HEMK2: variants seen among roughly 807,000 people sequenced by gnomAD.
The protein encoded by HEMK2 is HemK methyltransferase 2, ETF1 glutamine and histone H4 lysine.
the HEMK2 span, among the ~76,000 whole-genome samples, chr21:28,706,240 G>T: frequency 1.3e-5 from 2 of 151,850 alleles, no homozygotes; most frequent in Non-Finnish European, 2.9e-5. Flanking sequence ...TAAAGATTTT[G>T]TTAGTGTATA....
chr21:28,800,978 A>G, the HEMK2 span, among the ~76,000 whole-genome samples: 66,651 of 152,096 alleles, frequency 0.44, 15,928 homozygotes, highest in East Asian at 0.71. Context: ...TCGTGAGAAC[A>G]GTAGGGAGAA....
the HEMK2 span, among the ~76,000 whole-genome samples, chr21:28,668,629 C>T: frequency 6.6e-6 from 1 of 152,102 alleles, no homozygotes; most frequent in African/African-American, 2.4e-5. Flanking sequence ...AAGTACATGC[C>T]TCCTGTGCTG....
the HEMK2 span, among the ~76,000 whole-genome samples, chr21:28,811,766 A>T: frequency 3.3e-5 from 5 of 152,306 alleles, no homozygotes; most frequent in South Asian, 1.0e-3. Flanking sequence ...ACATAATATG[A>T]TGCCAATTAT....
the HEMK2 span, among the ~76,000 whole-genome samples, chr21:28,771,521 C>CCCCCCCCCCCA: frequency 3.8e-5 from 5 of 131,546 alleles, no homozygotes; most frequent in Admixed American, 7.6e-5. Flanking sequence ...ATGCACCACC[C>CCCCCCCCCCCA]CCCCCCGCCA....
chr21:28,590,109 G>A, the HEMK2 span, among the ~76,000 whole-genome samples: 70 of 152,268 alleles, frequency 4.6e-4, no homozygotes, highest in African/African-American at 1.7e-3. Context: ...ACTAATCTGT[G>A]TTACTCTCTG....
the HEMK2 span, among the ~76,000 whole-genome samples, chr21:28,843,935 C>T: frequency 6.6e-6 from 1 of 151,874 alleles, no homozygotes; most frequent in Non-Finnish European, 1.5e-5. Context: ...TTTTAAAATG[C>T]TCAAAAATAA....
the HEMK2 span, among the ~76,000 whole-genome samples, chr21:28,722,921 G>A: frequency 1.3e-5 from 2 of 151,750 alleles, no homozygotes; most frequent in Non-Finnish European, 2.9e-5. Flanking sequence ...AAAGCATCCA[G>A]AAAGGCCATG....
chr21:28,736,522 G>A, the HEMK2 span, among the ~76,000 whole-genome samples: 606 of 152,286 alleles, frequency 4.0e-3, 15 homozygotes, highest in East Asian at 0.065. Flanking sequence ...TTGGGAGGCC[G>A]AGGTAGGCAG....
the HEMK2 span, among the ~76,000 whole-genome samples, chr21:28,850,101 A>C: frequency 1.3e-5 from 2 of 152,292 alleles, no homozygotes; most frequent in South Asian, 2.1e-4. Flanking sequence ...AAAATGTTAA[A>C]GACAGCTACA....
At chr21:28,725,477 G>T in the HEMK2 span, among the ~76,000 whole-genome samples, 1 of 152,130 alleles carries the variant, frequency 6.6e-6, no homozygotes, top group East Asian at 1.9e-4. Flanking sequence ...AGTGAATACT[G>T]GGAGGAAACA....
At chr21:28,803,315 A>G in the HEMK2 span, among the ~76,000 whole-genome samples, 6 of 152,196 alleles carry the variant, frequency 3.9e-5, no homozygotes, top group African/African-American at 7.2e-5. Flanking sequence ...TTGGAGACTA[A>G]CCATCTTCGA....
At chr21:28,697,799 A>AAAAAAAAAAAC in the HEMK2 span, among the ~76,000 whole-genome samples, 2 of 151,000 alleles carry the variant, frequency 1.3e-5, no homozygotes, top group African/African-American at 2.4e-5. Context: ...AAAAAAAAAA[A>AAAAAAAAAAAC]TCTTTTCTTT....
At chr21:28,866,593 G>A in the HEMK2 span, among the ~76,000 whole-genome samples, 2 of 151,950 alleles carry the variant, frequency 1.3e-5, no homozygotes, top group Non-Finnish European at 2.9e-5. Context: ...CCAGAGGCTT[G>A]TGTGATGGCA....
chr21:28,580,688 CA>C, the HEMK2 span, among the ~76,000 whole-genome samples: 2 of 152,162 alleles, frequency 1.3e-5, no homozygotes, highest in Admixed American at 6.5e-5. Context: ...ACTACACACT[CA>C]GCCTCCTCCA....
chr21:28,749,760 G>A, the HEMK2 span, among the ~76,000 whole-genome samples: 29 of 152,234 alleles, frequency 1.9e-4, no homozygotes, highest in Admixed American at 1.2e-3. Context: ...CATGGCTCTC[G>A]GCCAATTTAA....
the HEMK2 span, among the ~76,000 whole-genome samples, chr21:28,734,032 C>T: frequency 0.39 from 58,374 of 151,468 alleles, 12,825 homozygotes; most frequent in African/African-American, 0.6. Context: ...GTATTAACAT[C>T]GGATGCCATT....
chr21:28,725,154 G>C, the HEMK2 span, among the ~76,000 whole-genome samples: 1 of 152,234 alleles, frequency 6.6e-6, no homozygotes, highest in South Asian at 2.1e-4. Context: ...CTTCCATCCT[G>C]ATTAATAAGT....
At chr21:28,800,619 T>A in the HEMK2 span, among the ~76,000 whole-genome samples, 2 of 152,178 alleles carry the variant, frequency 1.3e-5, no homozygotes, top group African/African-American at 4.8e-5. Flanking sequence ...TATGCCTTTG[T>A]GTGTATATAT....
At chr21:28,721,141 G>T in the HEMK2 span, among the ~76,000 whole-genome samples, 1 of 152,046 alleles carries the variant, frequency 6.6e-6, no homozygotes, top group Non-Finnish European at 1.5e-5. Context: ...TTTGAGACAG[G>T]ATTTTGCTCT....
Sources: gnomAD v4.1 joint callset for allele counts (sites outside exome capture counted in the v4.1 genomes callset) on GRCh38, gnomAD v4.1.1 for gene constraint, MANE v1.5 for transcripts, NCBI Gene and HGNC (gene_info 2026-07-23, HGNC 2026-07-21) for gene names.